Variants in OXCT1 observed in about 807,000 individuals in gnomAD.
OXCT1 encodes the protein succinyl-CoA:3-ketoacid coenzyme A transferase 1, mitochondrial.
A neutral mutation model predicts 69.6 loss-of-function variants in OXCT1; 27 were observed. That is an observed-to-expected ratio of 0.39 (90% CI 0.29 to 0.54). The LOEUF (loss-of-function observed/expected upper bound fraction) is 0.54, where lower values mean the gene tolerates loss of function less well. Ranked by LOEUF, OXCT1 falls within the 20% of genes least tolerant of loss-of-function variation. The pLI is 0.72. For synonymous variants in OXCT1, 202 were observed against 217.8 expected (o/e 0.93, Z 0.64); for missense variants, 437 against 650.2 (o/e 0.67, Z 3.57).
At chr5:41,841,152 T>G (rs1006467195) in intron 6 of OXCT1, among the ~76,000 whole-genome samples, 1 of 152,236 alleles carries the variant, frequency 6.6e-6, no homozygotes, top group Non-Finnish European at 1.5e-5. Flanking sequence ...CTGATGTTCC[T>G]CAATACAGTT....
At chr5:41,753,328 C>T (rs1217339398) in intron 14 of OXCT1, among the ~76,000 whole-genome samples, 1 of 144,266 alleles carries the variant, frequency 6.9e-6, no homozygotes, top group Non-Finnish European at 1.6e-5. Flanking sequence ...CACACACACA[C>T]ACACAGACAC....
chr5:41,786,645 C>T (rs767481339), intron 13 of OXCT1, among the ~76,000 whole-genome samples: 2 of 152,190 alleles, frequency 1.3e-5, no homozygotes, highest in Non-Finnish European at 2.9e-5. Context: ...AAATGTCATG[C>T]AGCCTGAGTA....
At chr5:41,739,638 G>A (rs887041783) in intron 15 of OXCT1, 147 bp from the exon 16 acceptor site, 29 of 640,930 alleles carry the variant, frequency 4.5e-5, no homozygotes, top group Non-Finnish European at 8.4e-5. Context: ...GGCTTAGGTG[G>A]GTGGATCACA....
At chr5:41,859,864 A>AATATATATATATATATATATATATAT (rs3050894) in intron 3 of OXCT1, among the ~76,000 whole-genome samples, 7 of 120,110 alleles carry the variant, frequency 5.8e-5, no homozygotes, top group Middle Eastern at 4.9e-3. Context: ...CTAGTATAGT[A>AATATATATATATATATATATATATAT]ATATATATAT....
intron 5 of OXCT1, among the ~76,000 whole-genome samples, chr5:41,847,918 A>G (rs1372332091): frequency 1.3e-5 from 2 of 150,488 alleles, no homozygotes; most frequent in Non-Finnish European, 3.0e-5. Context: ...TAGTGTTGGA[A>G]GTTCTGGCCA....
intron 13 of OXCT1, among the ~76,000 whole-genome samples, chr5:41,772,726 G>A (rs1369934012): frequency 2.0e-5 from 3 of 152,206 alleles, no homozygotes; most frequent in African/African-American, 7.2e-5. Flanking sequence ...TGATAACTCT[G>A]TGTTGGAGTC....
chr5:41,843,817 A>T (rs973534856), intron 5 of OXCT1, among the ~76,000 whole-genome samples: 2 of 152,344 alleles, frequency 1.3e-5, no homozygotes, highest in African/African-American at 4.8e-5. Context: ...AATAAAGGCT[A>T]CTTTAAAGAC....
At chr5:41,773,454 G>C (rs982446588) in intron 13 of OXCT1, among the ~76,000 whole-genome samples, 1 of 151,604 alleles carries the variant, frequency 6.6e-6, no homozygotes, top group African/African-American at 2.4e-5. Flanking sequence ...TTAATTAGCT[G>C]GGTGTGGTTG....
intron 3 of OXCT1, among the ~76,000 whole-genome samples, chr5:41,857,000 C>T (rs1749459703): frequency 6.6e-6 from 1 of 152,150 alleles, no homozygotes; most frequent in Non-Finnish European, 1.5e-5. Context: ...CCCATCTCAC[C>T]TCATGGCAGG....
At chr5:41,805,790 T>G (rs1404177980) in intron 8 of OXCT1, 109 bp from the exon 9 acceptor site, 2 of 756,626 alleles carry the variant, frequency 2.6e-6, no homozygotes, top group Non-Finnish European at 2.4e-6. Context: ...CCCATTGTTA[T>G]GAGACAAATC....
chr5:41,853,605 T>C (rs2112450317), intron 3 of OXCT1, 51 bp from the exon 4 acceptor site: 1 of 1,562,492 alleles, frequency 6.4e-7, no homozygotes. Context: ...CAGAACACTA[T>C]TACATCTTTT....
chr5:41,798,797 C>T (rs1326452629), intron 11 of OXCT1, among the ~76,000 whole-genome samples: 1 of 152,166 alleles, frequency 6.6e-6, no homozygotes, highest in African/African-American at 2.4e-5. Flanking sequence ...GATGGGACCT[C>T]TGGAACATTC....
In OXCT1 at chr5:41,842,632, G is replaced by C. The variant is rs1422542965; in HGVS notation, c.671+43C>G. On this transcript the variant is annotated intron_variant, in intron 6 of 16. Transcript: ENST00000196371. ...AAATTCACTCTGATGTCCATTTTTA[G>C]AGTTGCTGATATGCACGAGTGTTTT... is the stretch of plus-strand genomic sequence containing the variant. 11 of 1,306,292 alleles carry C rather than the reference G, an allele frequency of 8.4e-6. No individual in the cohort carries two copies. In the East Asian group the frequency reaches 2.3e-4, roughly 27 times the overall value. The allele number at this position is 1,306,292 out of a possible 1,614,324, so 80.9% of individuals were successfully genotyped here.
chr5:41,868,126 G>A (rs1463747355), intron 1 of OXCT1, among the ~76,000 whole-genome samples: 2 of 152,226 alleles, frequency 1.3e-5, no homozygotes, highest in Non-Finnish European at 2.9e-5. Context: ...TCAGGTCTGC[G>A]AGACACTGGG....
At chr5:41,833,973 A>T (rs1748225468) in intron 7 of OXCT1, among the ~76,000 whole-genome samples, 1 of 151,270 alleles carries the variant, frequency 6.6e-6, no homozygotes, top group Non-Finnish European at 1.5e-5. Flanking sequence ...ATGCCACTGT[A>T]CTCCAGCCTG....
In OXCT1 at chr5:41,861,015, T is replaced by C. The variant is rs80165025; in HGVS notation, c.278+299A>G. On this transcript the variant is annotated intron_variant, in intron 3 of 16. Coordinates refer to ENST00000196371, the MANE Select transcript of OXCT1 (RefSeq NM_000436.4). ...ATGCAAGACTTAATTTGAAGATATA[T>C]ATTCTAACTTCAATACATTTTAAGT... Among the ~76,000 whole-genome samples, 944 of 152,286 alleles carry C rather than the reference T, an allele frequency of 6.2e-3. 9 individuals are homozygous for C. Among genetic ancestry groups the C allele is most frequent in the African/African-American group, 0.021 (869 of 41,544 alleles).
At chr5:41,834,005 T>C (rs1748228163) in intron 7 of OXCT1, among the ~76,000 whole-genome samples, 1 of 150,090 alleles carries the variant, frequency 6.7e-6, no homozygotes, top group Admixed American at 6.6e-5. Flanking sequence ...CAAAATTCCG[T>C]CTCAAAAAAA....
At chr5:41,794,284 G>T in intron 12 of OXCT1, 2 of 618,990 alleles carry the variant, frequency 3.2e-6, no homozygotes, top group Non-Finnish European at 2.9e-6. Context: ...AGTATACATT[G>T]TTTCAATAAC....
chr5:41,773,215 T>C (rs1186047392), intron 13 of OXCT1, among the ~76,000 whole-genome samples: 1 of 152,076 alleles, frequency 6.6e-6, no homozygotes, highest in Non-Finnish European at 1.5e-5. Flanking sequence ...AAAAGTGATG[T>C]GTCTTTAGAG....
Sources: allele counts gnomAD v4.1 joint callset (sites outside exome capture counted in the v4.1 genomes callset), GRCh38; gene constraint gnomAD v4.1.1; transcripts MANE v1.5; gene names NCBI Gene and HGNC (gene_info 2026-07-23, HGNC 2026-07-21).